Variants in TRAPPC8 observed in about 807,000 individuals in gnomAD.
The protein encoded by TRAPPC8 is general sporulation gene 1 homolog.
A neutral mutation model predicts 174.3 loss-of-function variants in TRAPPC8; 54 were observed. The observed-to-expected ratio is 0.31, with a 90% confidence interval of 0.25 to 0.39. The LOEUF (loss-of-function observed/expected upper bound fraction) is 0.39, where lower values mean the gene tolerates loss of function less well. Ranked by LOEUF, TRAPPC8 falls within the 10% of genes least tolerant of loss-of-function variation. The pLI, the probability that TRAPPC8 is intolerant of heterozygous loss-of-function variation, is 1.00. For synonymous variants in TRAPPC8, 630 were observed against 579.9 expected (o/e 1.09, Z -1.24); for missense variants, 1,531 against 1,699.1 (o/e 0.90, Z 1.74).
rs1335523620 is a variant in TRAPPC8 at position 31,830,727 on chromosome 18, G to T, written c.*28C>A. The T allele has an allele frequency of 1.3e-6, 2 of 1,589,816 alleles. No individual in the cohort carries two copies. Among genetic ancestry groups the T allele is most frequent in the Non-Finnish European group, 1.7e-6 (2 of 1,161,790 alleles). On this transcript the variant is annotated 3_prime_UTR_variant, in exon 29 of 29. Coordinates refer to ENST00000283351, the MANE Select transcript of TRAPPC8 (RefSeq NM_014939.5). ...ACCCATCCAGCAAAAACTGATTATT[G>T]TGGATTTCAGTACAAATTTCCAAGT...
intron 12 of TRAPPC8, among the ~76,000 whole-genome samples, chr18:31,886,685 A>C (rs17804129): frequency 6.6e-6 from 1 of 152,044 alleles, no homozygotes; most frequent in East Asian, 1.9e-4. Flanking sequence ...ATTGAACTAT[A>C]AACAACTTCT....
intron 9 of TRAPPC8, among the ~76,000 whole-genome samples, chr18:31,903,239 G>A (rs978134134): frequency 6.6e-5 from 10 of 152,054 alleles, no homozygotes; most frequent in African/African-American, 2.4e-4. Flanking sequence ...ATTTGCTGGT[G>A]GAAAAAGAGC....
chr18:31,910,474 TA>T (rs1036368387), intron 5 of TRAPPC8, among the ~76,000 whole-genome samples: 3 of 152,116 alleles, frequency 2.0e-5, no homozygotes, highest in Admixed American at 2.0e-4. Context: ...TGGAAAAATA[TA>T]AAAGAGGACA....
chr18:31,871,163 T>A, intron 14 of TRAPPC8, 43 bp from the exon 15 acceptor site: 1 of 1,205,846 alleles, frequency 8.3e-7, no homozygotes, highest in Non-Finnish European at 1.1e-6. Context: ...AGACTTGCCC[T>A]CAAATAAAAC....
chr18:31,907,605 G>A lies in TRAPPC8; in HGVS notation c.1244C>T (p.Pro415Leu), dbSNP rs376517545. 6.4e-5 allele frequency: 103 copies of A among 1,602,446 alleles called. No individual in the cohort carries two copies. Among genetic ancestry groups the A allele is most frequent in the Admixed American group, 3.7e-4 (22 of 59,374 alleles). Residue 415 changes from proline (P) to leucine (L), a missense_variant, in exon 9 of 29, where the codon CCG becomes CTG. Pro to Leu is a moderately conservative substitution (Grantham distance 98). Coordinates refer to ENST00000283351, the MANE Select transcript of TRAPPC8 (RefSeq NM_014939.5). ...GATTTGAAGTTCTGGTGCTTCCGGC[G>A]GATACCTGTAAATACAAAAGAAAAT... ...DLKNTSGLLY[P>L]PEAPELQIRK...
At position 31,916,441 on chromosome 18, in the gene TRAPPC8, A is replaced by C; in HGVS notation, c.448T>G (p.Leu150Val). The C allele has an allele frequency of 6.2e-7, 1 of 1,609,484 alleles. No individual in the cohort carries two copies. The highest frequency in any genetic ancestry group is 1.1e-5 in the South Asian group (1 of 89,816). The stretch of plus-strand genomic sequence containing the variant: ...TCAGCTTCACTAGATGACGCTACCA[A>C]CATACCTTGTAAACCATATTATTAA... ...EFLNHYLACM[L>V]VASSSEAEPV... The change falls in exon 4 of 29, where the codon TTG (leucine) becomes GTG (valine). Residue 150 changes from leucine to valine, a missense_variant. Coordinates refer to ENST00000283351, the MANE Select transcript of TRAPPC8 (RefSeq NM_014939.5).
At chr18:31,929,207 A>G (rs1359961733) in intron 2 of TRAPPC8, among the ~76,000 whole-genome samples, 1 of 151,212 alleles carries the variant, frequency 6.6e-6, no homozygotes, top group East Asian at 1.9e-4. Flanking sequence ...AAAAAAAAGA[A>G]AAGAATCCAG....
chr18:31,893,694 T>C (rs1247037540), intron 11 of TRAPPC8, among the ~76,000 whole-genome samples: 2 of 152,208 alleles, frequency 1.3e-5, no homozygotes, highest in East Asian at 1.9e-4. Context: ...CATATTTTAA[T>C]ATCTAAAATA....
At chr18:31,897,956 G>GCTAAGTAAAT in intron 10 of TRAPPC8, 65 bp from the exon 11 acceptor site, 1 of 1,375,786 alleles carries the variant, frequency 7.3e-7, no homozygotes, top group Non-Finnish European at 1.0e-6. Flanking sequence ...AAGTAAATGT[G>GCTAAGTAAAT]TTCAGCAAAA....
At chr18:31,936,544 T>C (rs1317027740) in intron 1 of TRAPPC8, among the ~76,000 whole-genome samples, 1 of 152,162 alleles carries the variant, frequency 6.6e-6, no homozygotes, top group Non-Finnish European at 1.5e-5. Context: ...TTCCACACCT[T>C]GGAGATTAAT....
chr18:31,909,551 A>G (rs2036819308), intron 6 of TRAPPC8, 116 bp downstream of exon 6: 8 of 1,439,172 alleles, frequency 5.6e-6, no homozygotes, highest in Admixed American at 3.3e-5. Context: ...AACCTGCCCA[A>G]TATCTTTCTG....
At chr18:31,932,506 C>T (rs1598758509) in intron 1 of TRAPPC8, among the ~76,000 whole-genome samples, 1 of 151,952 alleles carries the variant, frequency 6.6e-6, no homozygotes, top group East Asian at 1.9e-4. Flanking sequence ...CTGCCTCCAC[C>T]GTCCTATAGT....
chr18:31,921,731 C>T (rs1317703551), intron 2 of TRAPPC8, among the ~76,000 whole-genome samples: 4 of 152,050 alleles, frequency 2.6e-5, no homozygotes, highest in Non-Finnish European at 4.4e-5. Flanking sequence ...TTTCTCATCT[C>T]ACCTTCTGGA....
intron 4 of TRAPPC8, among the ~76,000 whole-genome samples, chr18:31,914,793 G>A (rs1344529011): frequency 6.6e-6 from 1 of 152,080 alleles, no homozygotes; most frequent in Non-Finnish European, 1.5e-5. Flanking sequence ...TAAAATTACT[G>A]CGTTTATCCT....
At chr18:31,897,579 C>T (rs2036234941) in intron 11 of TRAPPC8, among the ~76,000 whole-genome samples, 1 of 151,908 alleles carries the variant, frequency 6.6e-6, no homozygotes, top group Non-Finnish European at 1.5e-5. Context: ...GAAATGTAGG[C>T]TTAAAATATG....
intron 12 of TRAPPC8, among the ~76,000 whole-genome samples, chr18:31,884,930 T>C (rs1021154253): frequency 6.6e-6 from 1 of 151,268 alleles, no homozygotes; most frequent in Non-Finnish European, 1.5e-5. Context: ...ATCAGCTCAC[T>C]GCAAGCTCCG....
rs1293048519 is a variant in TRAPPC8 at position 31,908,735 on chromosome 18, C to A, written c.1122+19G>T. On this transcript the variant is annotated intron_variant, in intron 7 of 28. Coordinates refer to ENST00000283351, the MANE Select transcript of TRAPPC8 (RefSeq NM_014939.5). ...TTACTTAAATTTTTAAAATACTAAT[C>A]CAAAAAATCAAACCTTACCTGATCG... 4.6e-6 allele frequency: 7 copies of A among 1,519,754 alleles called. No homozygotes were observed. Among genetic ancestry groups the A allele is most frequent in the Non-Finnish European group, 6.2e-6 (7 of 1,133,812 alleles). 94.1% of individuals were successfully genotyped at this position (1,519,754 alleles called of 1,614,324 possible).
chr18:31,896,555 T>TA (rs1029592852), intron 11 of TRAPPC8: 4 of 151,986 alleles, frequency 2.6e-5, no homozygotes, highest in African/African-American at 9.7e-5. Flanking sequence ...ATATATTAGG[T>TA]AAAAAATTTT....
intron 1 of TRAPPC8, chr18:31,939,361 A>G (rs1482624720): frequency 6.6e-6 from 1 of 152,138 alleles, no homozygotes; most frequent in East Asian, 1.9e-4. Context: ...AATGTTTCAG[A>G]CCCTCAAGAA....
Sources: gnomAD v4.1 joint callset for allele counts (sites outside exome capture counted in the v4.1 genomes callset) on GRCh38, gnomAD v4.1.1 for gene constraint, MANE v1.5 for transcripts, NCBI Gene and HGNC (gene_info 2026-07-23, HGNC 2026-07-21) for gene names.